RBFOX2: variants seen among roughly 807,000 people sequenced by gnomAD.
The protein encoded by RBFOX2 is RNA binding protein fox-1 homolog 2.
Under a neutral mutation model 49.1 loss-of-function variants are expected in RBFOX2, and 10 were observed. The ratio of observed to expected loss-of-function variants is 0.20; its 90% CI spans 0.13 to 0.35. The LOEUF (loss-of-function observed/expected upper bound fraction) is 0.35, where lower values mean the gene tolerates loss of function less well. RBFOX2 is among the 10% of genes least tolerant of loss of function. The pLI, the probability that RBFOX2 is intolerant of heterozygous loss-of-function variation, is 1.00. For missense variants in RBFOX2, 323 were observed against 486.9 expected (o/e 0.66, Z 3.17); for synonymous variants, 183 against 187.4 (o/e 0.98, Z 0.19).
chr22:35,986,371 C>T (rs1385157360), intron 1 of RBFOX2, among the ~76,000 whole-genome samples: 2 of 152,128 alleles, frequency 1.3e-5, no homozygotes, highest in African/African-American at 4.8e-5. Flanking sequence ...CAAACTGAGA[C>T]CCATGGTTTG....
intron 2 of RBFOX2, among the ~76,000 whole-genome samples, chr22:35,786,736 A>G (rs1178172027): frequency 6.6e-6 from 1 of 152,200 alleles, no homozygotes; most frequent in Non-Finnish European, 1.5e-5. Flanking sequence ...AGGTACTACC[A>G]TTATCTCCAA....
chr22:35,860,448 G>A (rs568577980), intron 1 of RBFOX2, among the ~76,000 whole-genome samples: 55 of 152,272 alleles, frequency 3.6e-4, no homozygotes, highest in African/African-American at 1.2e-3. Context: ...CTCCTGACCC[G>A]CAGAACTCTG....
At chr22:35,804,399 A>G (rs1191164108) in intron 2 of RBFOX2, among the ~76,000 whole-genome samples, 1 of 152,208 alleles carries the variant, frequency 6.6e-6, no homozygotes, top group African/African-American at 2.4e-5. Flanking sequence ...CAAAATCTCA[A>G]GAGAACCCAA....
chr22:35,915,507 C>A lies in RBFOX2; in HGVS notation c.-34+23340G>T, dbSNP rs188525981. On this transcript the variant is annotated intron_variant, in intron 1 of 13. Transcript: ENST00000359369. ...TTTATGCAGAGAATCAGAGAGGCAG[C>A]CGCTCTCCCTGAGTACACTACAGGG... Among the ~76,000 whole-genome samples, 532 of 152,282 alleles carry A rather than the reference C, an allele frequency of 3.5e-3. 4 individuals carry two copies. Among genetic ancestry groups the A allele is most frequent in the African/African-American group, 0.012 (498 of 41,544 alleles).
At chr22:35,784,886 G>A (rs746008939) in intron 2 of RBFOX2, among the ~76,000 whole-genome samples, 32 of 152,248 alleles carry the variant, frequency 2.1e-4, no homozygotes, top group Non-Finnish European at 2.8e-4. Flanking sequence ...AGGCCAGGGC[G>A]GTGGCAGGGT....
At chr22:35,879,844 C>T (rs571499381) in intron 1 of RBFOX2, among the ~76,000 whole-genome samples, 1 of 152,176 alleles carries the variant, frequency 6.6e-6, no homozygotes, top group Non-Finnish European at 1.5e-5. Context: ...GATGGAATAC[C>T]GAACCAGGAT....
intron 1 of RBFOX2, among the ~76,000 whole-genome samples, chr22:36,006,608 G>A (rs1219413108): frequency 6.6e-6 from 1 of 152,154 alleles, no homozygotes; most frequent in Non-Finnish European, 1.5e-5. Flanking sequence ...ATGATTGCAA[G>A]AGAACAGCAG....
exon 1 of RBFOX2, chr22:36,028,292 C>T: frequency 6.5e-7 from 1 of 1,534,948 alleles, no homozygotes; most frequent in South Asian, 1.2e-5. Flanking sequence ...CGGCCGCTTG[C>T]TCAGGCCGGG....
chr22:35,872,941 C>T (rs1399567905), intron 1 of RBFOX2, among the ~76,000 whole-genome samples: 1 of 152,124 alleles, frequency 6.6e-6, no homozygotes, highest in Non-Finnish European at 1.5e-5. Flanking sequence ...TTTCTCTATC[C>T]AGCACTTCCC....
intron 1 of RBFOX2, among the ~76,000 whole-genome samples, chr22:35,875,573 C>G (rs1030524215): frequency 6.6e-6 from 1 of 150,514 alleles, no homozygotes; most frequent in South Asian, 2.1e-4. Flanking sequence ...CCAAACTATG[C>G]ACCATCAACT....
chr22:35,843,869 T>C (rs2040833137), upstream of RBFOX2, among the ~76,000 whole-genome samples: 1 of 152,176 alleles, frequency 6.6e-6, no homozygotes, highest in Non-Finnish European at 1.5e-5. Flanking sequence ...TCTGTAGTAT[T>C]TATCAGATTC....
intron 1 of RBFOX2, among the ~76,000 whole-genome samples, chr22:35,950,964 T>G (rs1003701678): frequency 4.0e-5 from 6 of 150,410 alleles, no homozygotes; most frequent in Non-Finnish European, 5.9e-5. Flanking sequence ...TTTTTTTTTT[T>G]TTTTTTGGAG....
At chr22:35,813,314 G>C (rs907951074) in intron 1 of RBFOX2, among the ~76,000 whole-genome samples, 4 of 152,172 alleles carry the variant, frequency 2.6e-5, no homozygotes, top group African/African-American at 9.7e-5. Flanking sequence ...GCTCAGAAGA[G>C]AAGTACAACA....
At chr22:35,833,686 A>G (rs1309023711) in intron 1 of RBFOX2, among the ~76,000 whole-genome samples, 1 of 152,216 alleles carries the variant, frequency 6.6e-6, no homozygotes, top group African/African-American at 2.4e-5. Flanking sequence ...ATAAAAAAAC[A>G]AAAACATTTT....
chr22:35,925,246 C>T (rs1474350607), intron 1 of RBFOX2, among the ~76,000 whole-genome samples: 1 of 151,688 alleles, frequency 6.6e-6, no homozygotes, highest in Non-Finnish European at 1.5e-5. Context: ...AGGCCGGGTG[C>T]AGTGGCTCAC....
intron 1 of RBFOX2, among the ~76,000 whole-genome samples, chr22:35,814,710 C>CAAAAAAAAAAAAAAAAAAA (rs55971445): frequency 1.6e-4 from 5 of 31,024 alleles, no homozygotes; most frequent in Non-Finnish European, 2.5e-4. Context: ...AACCCTGTCT[C>CAAAAAAAAAAAAAAAAAAA]AAAAAAAAAA....
At chr22:35,995,649 A>ACT in intron 1 of RBFOX2, 6 of 153,362 alleles carry the variant, frequency 3.9e-5, no homozygotes, top group Non-Finnish European at 5.7e-5. Context: ...CCCCCTTCAC[A>ACT]CTCTCTCTCT....
At chr22:35,875,615 T>C (rs1369676086) in intron 1 of RBFOX2, among the ~76,000 whole-genome samples, 44 of 91,934 alleles carry the variant, frequency 4.8e-4, no homozygotes, top group Middle Eastern at 0.012. Context: ...AGGGTGTGTG[T>C]GTGTGTGTGT....
chr22:35,768,495 C>T, intron 4 of RBFOX2, 146 bp from the exon 6 acceptor site: 1 of 625,602 alleles, frequency 1.6e-6, no homozygotes, highest in Non-Finnish European at 2.7e-6. Context: ...ATTTTTGGTC[C>T]ATGCATATTT....
Sources: allele counts gnomAD v4.1 joint callset (sites outside exome capture counted in the v4.1 genomes callset), GRCh38; gene constraint gnomAD v4.1.1; transcripts MANE v1.5; gene names NCBI Gene and HGNC (gene_info 2026-07-23, HGNC 2026-07-21).